The following MACROD2 variants were observed in gnomAD, a reference collection of about 807,000 sequenced individuals.
MACROD2 encodes the protein ADP-ribose glycohydrolase MACROD2.
A neutral mutation model predicts 70.4 loss-of-function variants in MACROD2; 36 were observed. The observed-to-expected ratio is 0.51, with a 90% CI of 0.39 to 0.68. The LOEUF (loss-of-function observed/expected upper bound fraction) is 0.68. MACROD2 is among the 30% of genes least tolerant of loss of function. The pLI, the probability that MACROD2 is intolerant of heterozygous loss-of-function variation, is 0.00. For synonymous variants in MACROD2, 172 were observed against 178.8 expected, an observed-to-expected ratio of 0.96 and a Z score of 0.30; for missense variants, 496 against 538.4, an observed-to-expected ratio of 0.92 and a Z score of 0.78.
chr20:14,371,108 T>C (rs995918679), intron 3 of MACROD2, among the ~76,000 whole-genome samples: 1 of 152,192 alleles, frequency 6.6e-6, no homozygotes, highest in African/African-American at 2.4e-5. Flanking sequence ...TGCTCTTACA[T>C]TTTGTGACTT....
At chr20:15,979,757 G>A (rs1431029234) in intron 13 of MACROD2, among the ~76,000 whole-genome samples, 1 of 152,110 alleles carries the variant, frequency 6.6e-6, no homozygotes. Context: ...AAGCCAAGGG[G>A]TGTGGAAGAA....
intron 3 of MACROD2, among the ~76,000 whole-genome samples, chr20:14,252,598 A>T (rs920824006): frequency 4.6e-5 from 7 of 151,984 alleles, no homozygotes; most frequent in African/African-American, 1.7e-4. Flanking sequence ...GTTTACTGCC[A>T]TATTTTGAAC....
chr20:15,452,449 A>AT (rs990581218), intron 7 of MACROD2, among the ~76,000 whole-genome samples: 30 of 152,166 alleles, frequency 2.0e-4, no homozygotes, highest in African/African-American at 7.0e-4. Flanking sequence ...AGAAAATCAT[A>AT]TTTTGAAACG....
intron 5 of MACROD2, among the ~76,000 whole-genome samples, chr20:14,754,528 T>G (rs547152997): frequency 6.6e-6 from 1 of 152,178 alleles, no homozygotes; most frequent in South Asian, 2.1e-4. Flanking sequence ...GTGTGGAGAG[T>G]AGAATATTAA....
chr20:15,865,315 T>C (rs7353962), intron 9 of MACROD2, among the ~76,000 whole-genome samples: 1 of 151,356 alleles, frequency 6.6e-6, no homozygotes, highest in Admixed American at 6.6e-5. Context: ...TCAATAATAA[T>C]GGTTCAATGA....
At chr20:15,467,910 T>C (rs1377815352) in intron 7 of MACROD2, among the ~76,000 whole-genome samples, 3 of 152,180 alleles carry the variant, frequency 2.0e-5, no homozygotes, top group African/African-American at 4.8e-5. Flanking sequence ...GTTTCTGTGA[T>C]GTTAAGATTG....
chr20:14,392,019 G>A (rs1398409046), intron 3 of MACROD2, among the ~76,000 whole-genome samples: 3 of 151,648 alleles, frequency 2.0e-5, no homozygotes, highest in Admixed American at 1.3e-4. Context: ...CCTTAGGAAT[G>A]CGACTTCTTT....
chr20:15,831,257 T>C (rs918351610), intron 8 of MACROD2, among the ~76,000 whole-genome samples: 3 of 152,216 alleles, frequency 2.0e-5, no homozygotes, highest in Non-Finnish European at 4.4e-5. Flanking sequence ...GTTATGTACC[T>C]TGACCAAAGT....
At chr20:14,958,468 A>G (rs1201551796) in intron 5 of MACROD2, among the ~76,000 whole-genome samples, 1 of 152,202 alleles carries the variant, frequency 6.6e-6, no homozygotes, top group Admixed American at 6.5e-5. Context: ...ACTCTAGTTT[A>G]AATGGGGGCA....
intron 3 of MACROD2, chr20:14,325,412 A>G (rs913529919): frequency 3.1e-5 from 24 of 785,582 alleles, no homozygotes; most frequent in Middle Eastern, 3.7e-4. Context: ...AAAAGTTCTT[A>G]AATATAAATT....
chr20:14,080,397 C>T (rs552260138), intron 2 of MACROD2, among the ~76,000 whole-genome samples: 70 of 128,818 alleles, frequency 5.4e-4, no homozygotes, highest in South Asian at 1.3e-3. Flanking sequence ...GAGCCGAGAT[C>T]GTGCCACTGC....
chr20:15,912,947 A>G (rs6105488), intron 10 of MACROD2, among the ~76,000 whole-genome samples: 4,751 of 152,264 alleles, frequency 0.031, 157 homozygotes, highest in African/African-American at 0.079. Flanking sequence ...AATAAAAAGG[A>G]CAGAGGCTAC....
chr20:15,596,252 T>A (rs1001518433), intron 8 of MACROD2, among the ~76,000 whole-genome samples: 7 of 152,190 alleles, frequency 4.6e-5, no homozygotes, highest in Non-Finnish European at 8.8e-5. Flanking sequence ...ACCCAAGCCC[T>A]GTGTTGAAGA....
intron 3 of MACROD2, among the ~76,000 whole-genome samples, chr20:14,171,557 G>T (rs978974529): frequency 7.9e-5 from 12 of 152,126 alleles, no homozygotes; most frequent in African/African-American, 2.9e-4. Flanking sequence ...TCAGTTCAAA[G>T]AATTTTAAAA....
chr20:14,159,828 T>C (rs1448969828), intron 3 of MACROD2, among the ~76,000 whole-genome samples: 1 of 152,174 alleles, frequency 6.6e-6, no homozygotes, highest in Admixed American at 6.5e-5. Context: ...CTTTCTGGTT[T>C]TCCTCATTGA....
chr20:14,751,019 C>A (rs1008585301), intron 5 of MACROD2, among the ~76,000 whole-genome samples: 2 of 151,954 alleles, frequency 1.3e-5, no homozygotes, highest in Non-Finnish European at 1.5e-5. Context: ...ATAATAAGAT[C>A]TTATATTATT....
chr20:15,148,221 A>C (rs1386748143), intron 5 of MACROD2, among the ~76,000 whole-genome samples: 1 of 151,898 alleles, frequency 6.6e-6, no homozygotes, highest in African/African-American at 2.4e-5. Flanking sequence ...AGCTGAAGGA[A>C]GATTTTGTGG....
chr20:14,455,691 A>G (rs190895196), intron 3 of MACROD2, among the ~76,000 whole-genome samples: 5 of 151,956 alleles, frequency 3.3e-5, no homozygotes, highest in Admixed American at 1.3e-4. Context: ...TCACTTGTCT[A>G]TGAACCAACA....
chr20:15,132,231 T>A (rs1477820097), intron 5 of MACROD2, among the ~76,000 whole-genome samples: 1 of 151,966 alleles, frequency 6.6e-6, no homozygotes, highest in Non-Finnish European at 1.5e-5. Flanking sequence ...TAAAAAGTTT[T>A]CAGCTGCAGG....
Sources: allele counts gnomAD v4.1 joint callset (sites outside exome capture counted in the v4.1 genomes callset), GRCh38; gene constraint gnomAD v4.1.1; transcripts MANE v1.5; gene names NCBI Gene and HGNC (gene_info 2026-07-23, HGNC 2026-07-21).